The following RASAL1 variants were observed in gnomAD, a reference collection of about 807,000 sequenced individuals.
RASAL1 encodes the protein RAS protein activator like 1.
RASAL1 carries 72 observed loss-of-function variants against 96.6 expected under a neutral mutation model. The ratio of observed to expected loss-of-function variants is 0.75; its 90% CI spans 0.62 to 0.91. The LOEUF (loss-of-function observed/expected upper bound fraction) is 0.91. Among genes scored for constraint, RASAL1 ranks in the 40% least tolerant of loss-of-function variants. RASAL1 has a pLI of 0.00. For missense variants in RASAL1, 1,016 were observed against 1,072.5 expected (o/e 0.95, Z 0.74); for synonymous variants, 405 against 430.4 (o/e 0.94, Z 0.73).
At chr12:113,116,498 G>A (rs1256830264) in intron 8 of RASAL1, among the ~76,000 whole-genome samples, 2 of 152,216 alleles carry the variant, frequency 1.3e-5, no homozygotes, top group Non-Finnish European at 2.9e-5. Context: ...AACAAGACAG[G>A]TGTAGGCAGG....
chr12:113,135,493 G>A lies in RASAL1; in HGVS notation c.-31C>T. ...CTAGCCACAAACTTTCCAGGCAGAAGGGCGCTCAGGTTCCGAGGCTGGACC... is the reference window on the plus strand; with the variant it reads ...CTAGCCACAAACTTTCCAGGCAGAAAGGCGCTCAGGTTCCGAGGCTGGACC... On this transcript the variant is annotated 5_prime_UTR_variant, in exon 1 of 21. Coordinates refer to ENST00000548055, the MANE Select transcript of RASAL1 (RefSeq NM_001301202.2). This position sits in a 1 kb window ranked among gnomAD's most constrained non-coding sequence, Gnocchi z 5.7. 6.3e-7 allele frequency: 1 copy of A among 1,576,450 alleles called. No homozygotes were observed. Among genetic ancestry groups the A allele is most frequent in the Non-Finnish European group, 8.6e-7 (1 of 1,159,400 alleles).
rs75426961 is a variant in RASAL1, at chr12:113,130,536, C to T, written c.122+349G>A. On this transcript the variant is annotated intron_variant, in intron 2 of 20. Coordinates refer to ENST00000548055, the MANE Select transcript of RASAL1 (RefSeq NM_001301202.2). This position sits in a 1 kb window ranked among gnomAD's most constrained non-coding sequence, Gnocchi z 5.1. The stretch of plus-strand genomic sequence containing the variant: ...ACACAGACACACATGCACATGCCCA[C>T]GCGCACAGACATCCCCAGTGCCCGC... Among the ~76,000 whole-genome samples, 7,670 of 152,238 alleles carry T rather than the reference C, an allele frequency of 0.05. 257 individuals are homozygous for T. The highest frequency in any genetic ancestry group is 0.075 in the Middle Eastern group (22 of 292).
intron 18 of RASAL1, 87 bp downstream of exon 18, chr12:113,103,859 G>T: frequency 6.5e-7 from 1 of 1,526,762 alleles, no homozygotes; most frequent in Non-Finnish European, 8.8e-7. Flanking sequence ...CTTGCCCAAG[G>T]TTGCACAGCC....
chr12:113,104,000 G>T lies in RASAL1; in HGVS notation c.2050C>A (p.Pro684Thr), dbSNP rs1950554797. The change falls in exon 18 of 21, where the codon CCC becomes ACC. Residue 684 changes from proline to threonine, a missense_variant. Transcript: ENST00000548055. ...PNPNKLAACH[P>T]GAFRSARWTC... ...CAGCGCGCGCTGCGGAAGGCACCGG[G>T]GTGGCAGGCGGCCAGCTTGTTCGGG... 6.4e-7 allele frequency: 1 copy of T among 1,572,596 alleles called. No homozygotes were observed. The highest frequency in any genetic ancestry group is 8.6e-7 in the Non-Finnish European group (1 of 1,157,598).
intron 1 of RASAL1, among the ~76,000 whole-genome samples, chr12:113,133,320 G>A (rs962368758): frequency 6.6e-6 from 1 of 152,210 alleles, no homozygotes; most frequent in Admixed American, 6.5e-5. Flanking sequence ...TGGGAAAGCA[G>A]GCCCCTCAGC....
rs768398088 is a variant in RASAL1, at chr12:113,108,166, G to A, written c.1431C>T (p.Ala477=). The change falls in exon 14 of 21, where the codon GCC becomes GCT. Residue 477 remains alanine (A), a synonymous_variant. Coordinates refer to ENST00000548055, the MANE Select transcript of RASAL1 (RefSeq NM_001301202.2). ...GGTCAAACAGCTTTGGGGTAAGGAT[G>A]GCAGGTGCGAAGAATCGCAAGAAGA... ...GFLFLRFFAP[A]ILTPKLFDLR... 6 of 1,613,768 alleles carry A rather than the reference G, an allele frequency of 3.7e-6. No individual in the cohort carries two copies. The Admixed American group carries it at 6.7e-5, about 18-fold the overall frequency.
chr12:113,115,286 T>C lies in RASAL1; in HGVS notation c.1004-22A>G, dbSNP rs1337683382. The C allele has an allele frequency of 6.2e-7, 1 of 1,604,850 alleles. No individual in the cohort carries two copies. The highest frequency in any genetic ancestry group is 1.1e-5 in the South Asian group (1 of 90,854). Reference sequence around the variant, plus strand: ...TCCACTGGGAGGACAGGAGGAAGTGTTTGCTGGGATTTAGGGAGCTGAACC... The same window carrying C: ...TCCACTGGGAGGACAGGAGGAAGTGCTTGCTGGGATTTAGGGAGCTGAACC... On this transcript the variant is annotated intron_variant, in intron 10 of 20. Coordinates refer to ENST00000548055, the MANE Select transcript of RASAL1 (RefSeq NM_001301202.2). The surrounding 1 kb of genome is among the most constrained non-coding windows in gnomAD (Gnocchi z 4.1).
Position 113,130,773 on chromosome 12 carries a change from G to A in RASAL1, c.122+112C>T. On this transcript the variant is annotated intron_variant, in intron 2 of 20. Coordinates refer to ENST00000548055, the MANE Select transcript of RASAL1 (RefSeq NM_001301202.2). This position sits in a 1 kb window ranked among gnomAD's most constrained non-coding sequence, Gnocchi z 5.1. Reference sequence around the variant, plus strand: ...ACAAATCACCCACCTGCAGGCCCGCGAGTCCCCCTCAGGGTAAGCACTCCT... The same window carrying A: ...ACAAATCACCCACCTGCAGGCCCGCAAGTCCCCCTCAGGGTAAGCACTCCT... 2 of 847,930 alleles carry A rather than the reference G, an allele frequency of 2.4e-6. No individual in the cohort carries two copies. 52.5% of individuals were successfully genotyped at this position (847,930 alleles called of 1,614,324 possible).
chr12:113,131,968 CT>C (rs34936583), intron 1 of RASAL1, among the ~76,000 whole-genome samples: 2,121 of 118,726 alleles, frequency 0.018, 28 homozygotes, highest in African/African-American at 0.054. Context: ...TCTTCTTCTT[CT>C]TTTTTTTTTT....
At chr12:113,120,561 G>C (rs1256284318) in intron 5 of RASAL1, among the ~76,000 whole-genome samples, 2 of 152,186 alleles carry the variant, frequency 1.3e-5, no homozygotes, top group Admixed American at 1.3e-4. Flanking sequence ...TCCTAAAAAT[G>C]AGAGCTGGGG....
rs563899371 is a variant in RASAL1 at position 113,135,451 on chromosome 12, G to C, written c.12C>G (p.Ser4Arg). MAK[S>R]SSLNVRVVEG... ...CCACCACGCGAACATTCAGGGAGCT[G>C]CTCTTGGCCATGGCGCCTAGCCACA... The change falls in exon 1 of 21, where the codon AGC becomes AGG. Residue 4 changes from serine to arginine, a missense_variant. Coordinates refer to ENST00000548055, the MANE Select transcript of RASAL1 (RefSeq NM_001301202.2). The surrounding 1 kb of genome is among the most constrained non-coding windows in gnomAD (Gnocchi z 5.7). 8.1e-6 allele frequency: 13 copies of C among 1,608,542 alleles called. No individual in the cohort carries two copies. The East Asian group carries it at 2.0e-4, about 25-fold the overall frequency.
intron 4 of RASAL1, among the ~76,000 whole-genome samples, chr12:113,122,296 C>A (rs1951325905): frequency 6.6e-6 from 1 of 152,168 alleles, no homozygotes; most frequent in Admixed American, 6.5e-5. Context: ...AAATCTTGGA[C>A]ATTTCTCCCC....
chr12:113,114,243 C>T (rs541241686), intron 12 of RASAL1, among the ~76,000 whole-genome samples: 1 of 152,138 alleles, frequency 6.6e-6, no homozygotes, highest in African/African-American at 2.4e-5. Flanking sequence ...GAGACCAAGG[C>T]AGGAGGATTG....
In RASAL1 at chr12:113,117,095, G is replaced by T; in HGVS notation, c.709C>A (p.Pro237Thr). The change falls in exon 8 of 21, where the codon CCC becomes ACC. Residue 237 changes from proline to threonine, a missense_variant. By Grantham distance (38) the Pro-to-Thr change is conservative. Coordinates refer to ENST00000548055, the MANE Select transcript of RASAL1 (RefSeq NM_001301202.2). ...TACCCAGAATCCTCCTCGGCTCTGG[G>T]AAAGGGCAGGAGGCGGAACCAGCCT... ...PKGWFRLLPF[P>T]RAEEDSGGNL... The T allele has an allele frequency of 6.2e-7, 1 of 1,608,882 alleles. No individual in the cohort carries two copies. The highest frequency in any genetic ancestry group is 1.7e-5 in the Admixed American group (1 of 59,762).
chr12:113,105,809 C>T lies in RASAL1; in HGVS notation c.1735G>A (p.Glu579Lys). 5.6e-6 allele frequency: 9 copies of T among 1,614,192 alleles called. No individual in the cohort carries two copies. The highest frequency in any genetic ancestry group is 5.1e-6 in the Non-Finnish European group (6 of 1,180,032). Reference protein sequence around the residue: ...REGYLLKRKEEPAGLATRFAF... With the variant: ...REGYLLKRKEKPAGLATRFAF... ...AAGCGCGTGGCCAGGCCGGCAGGCT[C>T]CTCCTTGCGCTTCAGCAGATAGCCT... Residue 579 changes from glutamate to lysine, a missense_variant, in exon 16 of 21, where the codon GAG becomes AAG. Glu to Lys is a moderately conservative substitution (Grantham distance 56, BLOSUM62 1). Coordinates refer to ENST00000548055, the MANE Select transcript of RASAL1 (RefSeq NM_001301202.2).
rs535027240 is a variant in RASAL1, at chr12:113,108,778, C to T, written c.1375-556G>A. On this transcript the variant is annotated intron_variant, in intron 13 of 20. Transcript: ENST00000548055. ...TTGCCTAAGTCTGCACAGCCATAAG[C>T]GGCAGAGCCAGGAGTTGGACTTAGG... is the stretch of plus-strand genomic sequence containing the variant. 1.1e-4 allele frequency among the ~76,000 whole-genome samples: 17 copies of T among 152,048 alleles called. No homozygotes were observed. The East Asian group carries it at 1.2e-3, about 10-fold the overall frequency.
chr12:113,121,370 G>A (rs1449092971), intron 5 of RASAL1, 139 bp downstream of exon 5: 2 of 1,383,984 alleles, frequency 1.4e-6, no homozygotes, highest in African/African-American at 1.4e-5. Context: ...TGGACTGTTT[G>A]TCCACACAGG....
In RASAL1 at chr12:113,127,832, G is replaced by T; in HGVS notation, c.278C>A (p.Ala93Glu). ...CCCACCTCGGGGGTCGGCTGTAATC[G>T]CCTCCCTGCTCAGCGAGATCTTGCC... Reference protein sequence around the residue: ...IIGKISLSREAITADPRGIDS... With the variant: ...IIGKISLSREEITADPRGIDS... The change falls in exon 4 of 21, where the codon GCG becomes GAG. Residue 93 changes from alanine to glutamate, a missense_variant. Transcript: ENST00000548055. 6.2e-7 allele frequency: 1 copy of T among 1,612,276 alleles called. No individual in the cohort carries two copies. The highest frequency in any genetic ancestry group is 8.5e-7 in the Non-Finnish European group (1 of 1,178,714).
At chr12:113,127,566 C>T (rs940323307) in intron 4 of RASAL1, among the ~76,000 whole-genome samples, 1 of 152,294 alleles carries the variant, frequency 6.6e-6, no homozygotes, top group African/African-American at 2.4e-5. Context: ...GGGAGGATCG[C>T]TTGAGCCCAG....
Sources: gnomAD v4.1 joint callset for allele counts (sites outside exome capture counted in the v4.1 genomes callset) on GRCh38, gnomAD v4.1.1 for gene constraint, Gnocchi (gnomAD v3.1) non-coding constraint, MANE v1.5 for transcripts, NCBI Gene and HGNC (gene_info 2026-07-23, HGNC 2026-07-21) for gene names.